Variants in TSPAN13 observed in about 807,000 individuals in gnomAD.
TSPAN13 encodes tetraspanin-13.
A neutral mutation model predicts 26.9 loss-of-function variants in TSPAN13; 18 were observed. The ratio of observed to expected loss-of-function variants is 0.67; its 90% CI spans 0.46 to 0.99. The LOEUF (loss-of-function observed/expected upper bound fraction) is 0.99. Among genes scored for constraint, TSPAN13 ranks in the 50% least tolerant of loss-of-function variants. The probability of loss-of-function intolerance (pLI) is 0.00; values close to 1 mark genes in which losing one functional copy is unlikely to be tolerated. For synonymous variants in TSPAN13, 116 were observed against 98.4 expected, an observed-to-expected ratio of 1.18 and a Z score of -1.06; for missense variants, 201 against 249.6, an observed-to-expected ratio of 0.81 and a Z score of 1.31.
At chr7:16,760,224 ATATAT>A (rs1204849808) in intron 1 of TSPAN13, among the ~76,000 whole-genome samples, 1 of 152,194 alleles carries the variant, frequency 6.6e-6, no homozygotes, top group Non-Finnish European at 1.5e-5. Flanking sequence ...TGAGTTAAGA[ATATAT>A]TATAGATGGC....
At chr7:16,768,878 CTTATT>C (rs149234154) in intron 1 of TSPAN13, among the ~76,000 whole-genome samples, 1,671 of 152,114 alleles carry the variant, frequency 0.011, 23 homozygotes, top group African/African-American at 0.037. Context: ...TGTCATATCT[CTTATT>C]TTATTTTTTT....
At chr7:16,777,180 A>G in intron 3 of TSPAN13, 58 bp downstream of exon 3, 6 of 1,238,998 alleles carry the variant, frequency 4.8e-6, no homozygotes, top group Non-Finnish European at 5.9e-6. Flanking sequence ...GTATGAAAAA[A>G]AGGAGGGTAA....
chr7:16,772,678 T>G (rs1713079425), intron 1 of TSPAN13, among the ~76,000 whole-genome samples: 1 of 152,308 alleles, frequency 6.6e-6, no homozygotes, highest in Admixed American at 6.5e-5. Flanking sequence ...CTTAATTTAG[T>G]TCCATCTTTT....
intron 1 of TSPAN13, among the ~76,000 whole-genome samples, chr7:16,762,297 G>A (rs1784551115): frequency 6.6e-6 from 1 of 152,254 alleles, no homozygotes; most frequent in Admixed American, 6.5e-5. Context: ...TGATTCAGCA[G>A]TGTGTTTTGA....
intron 1 of TSPAN13, among the ~76,000 whole-genome samples, chr7:16,771,731 G>A (rs979546051): frequency 6.6e-6 from 1 of 152,210 alleles, no homozygotes; most frequent in Admixed American, 6.5e-5. Flanking sequence ...CAATACATTT[G>A]TGTTATTTTA....
At chr7:16,776,544 T>C (rs1784752096) in intron 2 of TSPAN13, among the ~76,000 whole-genome samples, 166 bp downstream of exon 2, 1 of 152,224 alleles carries the variant, frequency 6.6e-6, no homozygotes, top group African/African-American at 2.4e-5. Context: ...AATGTTATTG[T>C]ACGTTTTCAT....
At position 16,784,340 on chromosome 7, in the gene TSPAN13, C is replaced by T. The variant is rs553832552; in HGVS notation, c.*849C>T. On this transcript the variant is annotated 3_prime_UTR_variant, in exon 6 of 6. Transcript: ENST00000262067. The stretch of plus-strand genomic sequence containing the variant: ...GATTATCTTAAAAATTGTTAAATAC[C>T]GTTTTCATGAAATTTCTCAGTATTG... 18 of 152,188 alleles carry T rather than the reference C, an allele frequency of 1.2e-4. No individual in the cohort carries two copies. The highest frequency in any genetic ancestry group is 3.1e-4 in the African/African-American group (13 of 41,530). The allele number at this position is 152,188 out of a possible 1,614,324, so 9.4% of individuals were successfully genotyped here. A position where few individuals can be genotyped will look rare whatever the true frequency, so the allele number is the denominator to read the frequency against.
chr7:16,763,721 A>C (rs1056303348), intron 1 of TSPAN13, among the ~76,000 whole-genome samples: 2 of 152,184 alleles, frequency 1.3e-5, no homozygotes, highest in African/African-American at 4.8e-5. Flanking sequence ...TGATAGAAGG[A>C]TGGGCAGCCA....
chr7:16,767,872 T>C (rs1009382643), intron 1 of TSPAN13, among the ~76,000 whole-genome samples: 2 of 152,172 alleles, frequency 1.3e-5, no homozygotes, highest in Non-Finnish European at 2.9e-5. Flanking sequence ...AGTTTGCTTT[T>C]TGTCTTAAGT....
chr7:16,765,011 G>A (rs539739576), intron 1 of TSPAN13, among the ~76,000 whole-genome samples: 46 of 151,456 alleles, frequency 3.0e-4, no homozygotes, highest in African/African-American at 9.5e-4. Flanking sequence ...ATCCTGCCTC[G>A]GCCTCCCAAA....
intron 1 of TSPAN13, among the ~76,000 whole-genome samples, chr7:16,766,205 T>A (rs968317061): frequency 1.3e-5 from 2 of 152,222 alleles, no homozygotes; most frequent in Non-Finnish European, 2.9e-5. Flanking sequence ...AGAAAACACA[T>A]TGTTTTTAGC....
At position 16,777,832 on chromosome 7, in the gene TSPAN13, C is replaced by G; in HGVS notation, c.347C>G (p.Ala116Gly). ...CTGGAGGTTGGTTGGAACAATACGG[C>G]AAGTGCTCGAAATGACATCCAGAGA... ...QLLEVGWNNT[A>G]SARNDIQRNL... The change falls in exon 4 of 6, where the codon GCA becomes GGA. Residue 116 changes from alanine to glycine, a missense_variant. By Grantham distance (60) the Ala-to-Gly change is moderately conservative. Transcript: ENST00000262067. 1.2e-6 allele frequency: 2 copies of G among 1,613,834 alleles called. No individual in the cohort carries two copies. The highest frequency in any genetic ancestry group is 1.7e-6 in the Non-Finnish European group (2 of 1,179,844).
At chr7:16,778,229 G>A (rs912734548) in intron 4 of TSPAN13, among the ~76,000 whole-genome samples, 5 of 152,100 alleles carry the variant, frequency 3.3e-5, no homozygotes, top group African/African-American at 1.2e-4. Flanking sequence ...CATATTTTGG[G>A]GAAACTCCTG....
chr7:16,764,589 A>G (rs576426530), intron 1 of TSPAN13, among the ~76,000 whole-genome samples: 2 of 152,272 alleles, frequency 1.3e-5, no homozygotes, highest in African/African-American at 2.4e-5. Context: ...AACATTTGGT[A>G]GTTAACTAAT....
At chr7:16,759,294 C>T (rs1784515923) in intron 1 of TSPAN13, among the ~76,000 whole-genome samples, 1 of 152,150 alleles carries the variant, frequency 6.6e-6, no homozygotes, top group Non-Finnish European at 1.5e-5. Context: ...AAGCATAGTG[C>T]TGGCATCTAC....
intron 1 of TSPAN13, among the ~76,000 whole-genome samples, chr7:16,762,338 G>C (rs758873214): frequency 1.3e-5 from 2 of 152,232 alleles, no homozygotes; most frequent in Non-Finnish European, 2.9e-5. Context: ...CTCTTAGCCA[G>C]GTGCTAGGAA....
chr7:16,767,056 G>A (rs988662476), intron 1 of TSPAN13, among the ~76,000 whole-genome samples: 2 of 151,916 alleles, frequency 1.3e-5, no homozygotes, highest in African/African-American at 2.4e-5. Flanking sequence ...AGTCTGTCTC[G>A]GCCTCCCAAG....
rs998308970 is a variant in TSPAN13, at chr7:16,770,684, T to C, written c.64-5527T>C. ...ATTTTTTGATTGGCAGCAATGTTTT[T>C]ATTTTTTTCTTTGGGAATCCTGTAA... On this transcript the variant is annotated intron_variant, in intron 1 of 5. Coordinates refer to ENST00000262067, the MANE Select transcript of TSPAN13 (RefSeq NM_014399.4). Among the ~76,000 whole-genome samples the C allele has an allele frequency of 4.3e-4, 66 of 152,220 alleles. 2 individuals carry two copies. The highest frequency in any genetic ancestry group is 2.9e-5 in the Non-Finnish European group (2 of 68,046).
intron 1 of TSPAN13, chr7:16,775,720 T>C (rs747347): frequency 6.6e-6 from 1 of 152,302 alleles, no homozygotes; most frequent in African/African-American, 2.4e-5. Context: ...CGTGTTCCAG[T>C]AACAGAGATC....
Sources: gnomAD v4.1 joint callset for allele counts (sites outside exome capture counted in the v4.1 genomes callset) on GRCh38, gnomAD v4.1.1 for gene constraint, MANE v1.5 for transcripts, NCBI Gene and HGNC (gene_info 2026-07-23, HGNC 2026-07-21) for gene names.